TTC34: variants seen among roughly 807,000 people sequenced by gnomAD.
TTC34 encodes tetratricopeptide repeat protein 34.
A neutral mutation model predicts 40.7 loss-of-function variants in TTC34; 44 were observed. The ratio of observed to expected loss-of-function variants is 1.08; its 90% CI spans 0.85 to 1.39. The LOEUF is 1.39. Among genes scored for constraint, TTC34 ranks in the 40% most tolerant of loss-of-function variants. TTC34 has a pLI of 0.00. For synonymous variants in TTC34, 422 were observed against 398.6 expected (o/e 1.06, Z -0.70); for missense variants, 884 against 838.0 (o/e 1.05, Z -0.68).
rs904736242 is a variant in TTC34, at chr1:2,785,249, C to T, written c.2059+570G>A. Reference sequence around the variant, plus strand: ...GAGGGGTGCTTACTAAGTGCATGGCCGGGTTCCACGTGGCAGCCTGATCTA... The same window carrying T: ...GAGGGGTGCTTACTAAGTGCATGGCTGGGTTCCACGTGGCAGCCTGATCTA... On this transcript the variant is annotated intron_variant, in intron 5 of 8. Transcript: ENST00000401095. Among the ~76,000 whole-genome samples, 12 of 152,088 alleles carry T rather than the reference C, an allele frequency of 7.9e-5. No homozygotes were observed. In the South Asian group the frequency reaches 1.0e-3, roughly 13 times the overall value.
At chr1:2,692,605 G>GGCTAGAA (rs1640675659) in intron 6 of TTC34, among the ~76,000 whole-genome samples, 2 of 148,180 alleles carry the variant, frequency 1.3e-5, no homozygotes. Context: ...GCATCTGACT[G>GGCTAGAA]CCTGGAACAG....
rs1381540179 is a variant in TTC34 at position 2,754,179 on chromosome 1, C to A, written c.2226+29430G>T. On this transcript the variant is annotated intron_variant, in intron 6 of 8. Coordinates refer to ENST00000401095, the Ensembl canonical transcript of TTC34. ...GATGGTCTGGAGCAGAACCCACACC[C>A]ACAGGTGAGCATCTGACAGCCTGGA... is the stretch of plus-strand genomic sequence containing the variant. Among the ~76,000 whole-genome samples the A allele has an allele frequency of 4.5e-5, 2 of 44,174 alleles. 1 individual carries two copies. Among genetic ancestry groups the A allele is most frequent in the African/African-American group, 4.2e-4 (2 of 4,788 alleles). 29.0% of individuals were successfully genotyped at this position (44,174 alleles called of 152,430 possible). A position where few individuals can be genotyped will look rare whatever the true frequency, so the allele number is the denominator to read the frequency against.
At chr1:2,779,651 A>C (rs1643447812) in intron 6 of TTC34, among the ~76,000 whole-genome samples, 1 of 152,144 alleles carries the variant, frequency 6.6e-6, no homozygotes, top group Non-Finnish European at 1.5e-5. Context: ...TTTTTGGGAA[A>C]TGGCCATCCT....
At chr1:2,780,980 G>T (rs1233807722) in intron 6 of TTC34, among the ~76,000 whole-genome samples, 1 of 152,016 alleles carries the variant, frequency 6.6e-6, no homozygotes, top group Admixed American at 6.6e-5. Context: ...CACCTCTTTG[G>T]TTAATTCCTA....
intron 2 of TTC34, 59 bp from the exon 3 acceptor site, chr1:2,790,405 A>T (rs1345229983): frequency 2.5e-6 from 1 of 398,118 alleles, no homozygotes; most frequent in Admixed American, 4.4e-5. Flanking sequence ...CGGGGGTGCC[A>T]CCTGCAAGTC....
chr1:2,750,229 G>C (rs1641270136), intron 6 of TTC34, among the ~76,000 whole-genome samples: 10 of 150,356 alleles, frequency 6.7e-5, no homozygotes, highest in East Asian at 2.0e-4. Flanking sequence ...TGATGGTCTG[G>C]AGCAGCACCC....
At position 2,788,977 on chromosome 1, in the gene TTC34, C is replaced by G. The variant is rs188091086; in HGVS notation, c.1628+526G>C. Among the ~76,000 whole-genome samples the G allele has an allele frequency of 5.1e-4, 77 of 152,222 alleles. 1 individual carries two copies. The East Asian group carries it at 0.014, about 28-fold the overall frequency. On this transcript the variant is annotated intron_variant, in intron 3 of 8. Transcript: ENST00000401095. Reference sequence around the variant, plus strand: ...GTGGTGATCCCAGCTACTTGGGACGCTGAGGCAGAAGAATGGCCTGAACCC... The same window carrying G: ...GTGGTGATCCCAGCTACTTGGGACGGTGAGGCAGAAGAATGGCCTGAACCC...
intron 6 of TTC34, among the ~76,000 whole-genome samples, chr1:2,685,832 C>T (rs375705240): frequency 1.3e-5 from 2 of 151,632 alleles, no homozygotes; most frequent in Non-Finnish European, 2.9e-5. Flanking sequence ...TGGAACGGCA[C>T]CCCCATGCCC....
chr1:2,794,823 G>A (rs1643697408), intron 2 of TTC34, among the ~76,000 whole-genome samples: 1 of 152,028 alleles, frequency 6.6e-6, no homozygotes, highest in African/African-American at 2.4e-5. Context: ...TTATAAAACA[G>A]TTTTTCTGAA....
chr1:2,780,859 C>T (rs186222125), intron 6 of TTC34, among the ~76,000 whole-genome samples: 32 of 152,262 alleles, frequency 2.1e-4, no homozygotes, highest in African/African-American at 7.2e-4. Flanking sequence ...ATACTGACGT[C>T]TTACCAACAT....
At chr1:2,657,491 G>A (rs1639392778) in intron 6 of TTC34, among the ~76,000 whole-genome samples, 1 of 95,880 alleles carries the variant, frequency 1.0e-5, no homozygotes, top group African/African-American at 3.1e-5. Flanking sequence ...GAACGGAGCA[G>A]CACCCACAAC....
chr1:2,759,939 A>G (rs1641639862), intron 6 of TTC34, among the ~76,000 whole-genome samples: 1 of 148,164 alleles, frequency 6.7e-6, no homozygotes, highest in African/African-American at 2.6e-5. Flanking sequence ...TGAGCATCTG[A>G]CAGCCTGGAA....
At chr1:2,687,485 C>G (rs1228249784) in intron 6 of TTC34, among the ~76,000 whole-genome samples, 2 of 131,054 alleles carry the variant, frequency 1.5e-5, no homozygotes, top group African/African-American at 6.6e-5. Context: ...AGCACCCACA[C>G]ACTCAGGCGA....
intron 6 of TTC34, among the ~76,000 whole-genome samples, chr1:2,757,345 TACACCCCCA>T (rs1641540505): frequency 2.4e-4 from 1 of 4,146 alleles, no homozygotes; most frequent in Non-Finnish European, 3.9e-4. Context: ...AGCAGCACCC[TACACCCCCA>T]GGGGAGCATC....
chr1:2,798,055 T>C (rs1643727435), intron 2 of TTC34, among the ~76,000 whole-genome samples: 1 of 148,198 alleles, frequency 6.7e-6, no homozygotes, highest in Admixed American at 6.7e-5. Context: ...CCTCCCAGCC[T>C]CCCAGCCTCT....
chr1:2,637,941 G>A (rs964645894), exon 9 of TTC34: 1 of 152,228 alleles, frequency 6.6e-6, no homozygotes, highest in Non-Finnish European at 1.5e-5. Context: ...TTGGCATGGG[G>A]ATGTCTGGTT....
At chr1:2,651,188 C>T (rs1639125532) in intron 6 of TTC34, among the ~76,000 whole-genome samples, 1 of 152,010 alleles carries the variant, frequency 6.6e-6, no homozygotes, top group Non-Finnish European at 1.5e-5. Context: ...AACTGCACCT[C>T]ACAGGCCAAG....
chr1:2,687,256 C>T (rs200527927), intron 6 of TTC34, among the ~76,000 whole-genome samples: 2 of 133,270 alleles, frequency 1.5e-5, no homozygotes, highest in African/African-American at 6.5e-5. Flanking sequence ...CCCAGGTGCG[C>T]ATCTGATGGT....
At chr1:2,655,956 C>G (rs1272002282) in intron 6 of TTC34, among the ~76,000 whole-genome samples, 1 of 152,294 alleles carries the variant, frequency 6.6e-6, no homozygotes, top group African/African-American at 2.4e-5. Context: ...CATCTGACAA[C>G]CAGGAGCAGC....
Sources: gnomAD v4.1 joint callset for allele counts (sites outside exome capture counted in the v4.1 genomes callset) on GRCh38, gnomAD v4.1.1 for gene constraint, MANE v1.5 for transcripts, NCBI Gene and HGNC (gene_info 2026-07-23, HGNC 2026-07-21) for gene names.